Variants in EFHC1 observed in about 807,000 individuals in gnomAD.
EFHC1 encodes the protein EF-hand domain-containing protein 1.
Under a neutral mutation model 69.9 loss-of-function variants are expected in EFHC1, and 53 were observed. The observed-to-expected ratio is 0.76, with a 90% confidence interval of 0.61 to 0.95. The LOEUF is 0.95. Ranked by LOEUF, EFHC1 falls within the 40% of genes least tolerant of loss-of-function variation. The pLI is 0.00. For missense variants in EFHC1, 739 were observed against 798.7 expected (o/e 0.93, Z 0.90); for synonymous variants, 256 against 278.4 (o/e 0.92, Z 0.80).
chr6:52,469,614 T>A (rs1765390828), intron 7 of EFHC1, 141 bp downstream of exon 7: 1 of 1,212,968 alleles, frequency 8.2e-7, no homozygotes, highest in Non-Finnish European at 1.2e-6. Flanking sequence ...GTACCCAGCC[T>A]TCAGGGAGGT....
At chr6:52,453,852 CT>C (rs1380315697) in intron 4 of EFHC1, 2 of 1,348,346 alleles carry the variant, frequency 1.5e-6, no homozygotes, top group South Asian at 2.5e-5. Flanking sequence ...GTGAGCTCTT[CT>C]TTTTTGGCAC....
At chr6:52,465,882 A>G (rs533630743) in intron 6 of EFHC1, among the ~76,000 whole-genome samples, 1 of 148,332 alleles carries the variant, frequency 6.7e-6, no homozygotes, top group East Asian at 1.9e-4. Context: ...TATAAATCAT[A>G]TTGTTTATAA....
chr6:52,475,975 G>A (rs957801080), intron 7 of EFHC1, among the ~76,000 whole-genome samples: 3 of 152,226 alleles, frequency 2.0e-5, no homozygotes, highest in African/African-American at 7.2e-5. Flanking sequence ...CTCTGAGGAG[G>A]TCATAGCAGA....
At chr6:52,438,643 A>G (rs778160653) in intron 3 of EFHC1, 52 bp downstream of exon 3, 3 of 1,568,994 alleles carry the variant, frequency 1.9e-6, no homozygotes, top group Non-Finnish European at 2.6e-6. Context: ...ATTCTAATTT[A>G]TAGAAGGATA....
chr6:52,421,042 C>G (rs1377979261), intron 1 of EFHC1: 1 of 997,998 alleles, frequency 1.0e-6, no homozygotes, highest in African/African-American at 1.7e-5. Flanking sequence ...GTATGTATAT[C>G]GATTCCGCTC....
At chr6:52,489,807 A>G (rs1339865831) in intron 9 of EFHC1, among the ~76,000 whole-genome samples, 2 of 152,252 alleles carry the variant, frequency 1.3e-5, no homozygotes, top group Non-Finnish European at 2.9e-5. Context: ...TTAATCTGCA[A>G]CAGTAGTAAG....
intron 3 of EFHC1, among the ~76,000 whole-genome samples, chr6:52,441,370 A>G (rs891275207): frequency 1.3e-5 from 2 of 152,008 alleles, no homozygotes; most frequent in Non-Finnish European, 2.9e-5. Context: ...ACCTTTCCCC[A>G]TTGCTTATTT....
chr6:52,464,852 A>G, intron 5 of EFHC1, 43 bp from the exon 6 acceptor site: 1 of 1,550,192 alleles, frequency 6.5e-7, no homozygotes, highest in South Asian at 1.1e-5. Flanking sequence ...TTCTTGACAC[A>G]CTCATTCCTT....
In EFHC1 at chr6:52,490,217, A is replaced by C. The variant is rs1765868425; in HGVS notation, c.1718A>C (p.His573Pro). The C allele has an allele frequency of 1.2e-6, 2 of 1,614,038 alleles. No individual in the cohort carries two copies. The highest frequency in any genetic ancestry group is 8.5e-7 in the Non-Finnish European group (1 of 1,179,998). Reference protein sequence around the residue: ...IDTIQKQLKDHSCKDNIREAF... With the variant: ...IDTIQKQLKDPSCKDNIREAF... ...ACAATTCAGAAGCAACTGAAAGATC[A>C]CTCATGCAAAGACAACATTCGTGAG... The change falls in exon 10 of 11, where the codon CAC becomes CCC. Residue 573 changes from histidine (H) to proline (P), a missense_variant. Transcript: ENST00000371068.
chr6:52,470,371 T>G (rs556567236), intron 7 of EFHC1, among the ~76,000 whole-genome samples: 1 of 152,324 alleles, frequency 6.6e-6, no homozygotes, highest in South Asian at 2.1e-4. Context: ...GGTACTAGAT[T>G]CTTTCAGTTA....
intron 7 of EFHC1, among the ~76,000 whole-genome samples, chr6:52,474,661 A>G (rs1010758174): frequency 4.6e-5 from 7 of 152,376 alleles, no homozygotes; most frequent in Non-Finnish European, 5.9e-5. Flanking sequence ...TTTCTGTTCA[A>G]TGAAAATTAA....
intron 2 of EFHC1, among the ~76,000 whole-genome samples, chr6:52,433,853 G>C (rs1764468425): frequency 6.6e-6 from 1 of 152,164 alleles, no homozygotes; most frequent in Non-Finnish European, 1.5e-5. Context: ...TCTTGCTGTG[G>C]CTGCTGTGGA....
chr6:52,461,021 C>G (rs1360331438), intron 5 of EFHC1, among the ~76,000 whole-genome samples: 1 of 152,036 alleles, frequency 6.6e-6, no homozygotes, highest in Non-Finnish European at 1.5e-5. Flanking sequence ...ACATGTATTA[C>G]AGTAATAGCA....
At chr6:52,479,378 G>C (rs928545249) in intron 8 of EFHC1, 128 bp downstream of exon 8, 1 of 1,082,658 alleles carries the variant, frequency 9.2e-7, no homozygotes, top group Non-Finnish European at 1.4e-6. Flanking sequence ...TACTATCCTT[G>C]TATATATGGT....
At chr6:52,480,126 A>C in intron 9 of EFHC1, 1 of 529,650 alleles carries the variant, frequency 1.9e-6, no homozygotes, top group Non-Finnish European at 3.4e-6. Context: ...TAACATAAAC[A>C]GTTGATTAAC....
chr6:52,451,856 T>C (rs1764923723), intron 3 of EFHC1, among the ~76,000 whole-genome samples: 1 of 152,210 alleles, frequency 6.6e-6, no homozygotes, highest in South Asian at 2.1e-4. Flanking sequence ...ATGCTTTCTT[T>C]TTTTTCTTTT....
intron 2 of EFHC1, chr6:52,430,139 A>G (rs914762457): frequency 6.6e-6 from 1 of 152,174 alleles, no homozygotes; most frequent in Admixed American, 6.6e-5. Context: ...CAGGTAAACA[A>G]TCATATCATC....
intron 4 of EFHC1, chr6:52,453,374 G>A: frequency 7.8e-7 from 1 of 1,287,116 alleles, no homozygotes; most frequent in Non-Finnish European, 1.0e-6. Context: ...CCTCTCCCTT[G>A]TGAGCTGATG....
rs1438895352 is a variant in EFHC1 at position 52,463,919 on chromosome 6, T to C, written c.917-976T>C. On this transcript the variant is annotated intron_variant, in intron 5 of 10. Coordinates refer to ENST00000371068, the MANE Select transcript of EFHC1 (RefSeq NM_018100.4). ...GGAAATACCAGGCCCTCCTTTGCTA[T>C]GATCAAGGGCTGGAGTTCAAACTTT... 2.0e-5 allele frequency among the ~76,000 whole-genome samples: 3 copies of C among 152,222 alleles called. No homozygotes were observed. The East Asian group carries it at 5.8e-4, about 29-fold the overall frequency.
Sources: allele counts gnomAD v4.1 joint callset (sites outside exome capture counted in the v4.1 genomes callset), GRCh38; gene constraint gnomAD v4.1.1; transcripts MANE v1.5; gene names NCBI Gene and HGNC (gene_info 2026-07-23, HGNC 2026-07-21).